Variants in MYO6 observed in about 807,000 individuals in gnomAD.
MYO6 encodes unconventional myosin-VI.
In MYO6, 74 loss-of-function variants were observed where a neutral mutation model predicts 178.7. The observed-to-expected ratio is 0.41, with a 90% CI of 0.34 to 0.50. The LOEUF (loss-of-function observed/expected upper bound fraction) is 0.50. Among genes scored for constraint, MYO6 ranks in the 20% least tolerant of loss-of-function variants. The pLI is 0.09. For synonymous variants in MYO6, 477 were observed against 504.6 expected, an observed-to-expected ratio of 0.95 and a Z score of 0.73; for missense variants, 1,330 against 1,547.4, an observed-to-expected ratio of 0.86 and a Z score of 2.36.
At chr6:75,878,199 A>G (rs974788069) in intron 20 of MYO6, among the ~76,000 whole-genome samples, 6 of 152,160 alleles carry the variant, frequency 3.9e-5, no homozygotes, top group Non-Finnish European at 7.3e-5. Flanking sequence ...ACTTAACTCT[A>G]CGTCTTGGGT....
In MYO6 at chr6:75,866,954, A is replaced by G. The variant is rs1030587170; in HGVS notation, c.1793A>G (p.Asn598Ser). 6.2e-7 allele frequency: 1 copy of G among 1,613,898 alleles called. No homozygotes were observed. The highest frequency in any genetic ancestry group is 8.5e-7 in the Non-Finnish European group (1 of 1,179,926). The change falls in exon 18 of 35, where the codon AAT becomes AGT. Residue 598 changes from asparagine to serine, a missense_variant. Coordinates refer to ENST00000369977, the MANE Select transcript of MYO6 (RefSeq NM_004999.4). Reference sequence around the variant, plus strand: ...CAGACCCAGTTTGTGGAGAAAAATAATGATGCTTTACATATGTCTCTTGAA... The same window carrying G: ...CAGACCCAGTTTGTGGAGAAAAATAGTGATGCTTTACATATGTCTCTTGAA... ...YETTQFVEKNNDALHMSLESL... is the reference protein window; with the variant it reads ...YETTQFVEKNSDALHMSLESL...
chr6:75,917,037 G>C lies in MYO6; in HGVS notation c.*2025G>C, dbSNP rs1356045212. ...CAGGGCAACTGCCCTAATTCAGATAGATTTACAGTAACCTACGTACAGTAG... is the reference window on the plus strand; with the variant it reads ...CAGGGCAACTGCCCTAATTCAGATACATTTACAGTAACCTACGTACAGTAG... On this transcript the variant is annotated 3_prime_UTR_variant, in exon 35 of 35. Coordinates refer to ENST00000369977, the MANE Select transcript of MYO6 (RefSeq NM_004999.4). The C allele has an allele frequency of 6.6e-6, 1 of 152,234 alleles. No individual in the cohort carries two copies. Among genetic ancestry groups the C allele is most frequent in the Non-Finnish European group, 1.5e-5 (1 of 68,038 alleles). 9.4% of individuals were successfully genotyped at this position (152,234 alleles called of 1,614,324 possible).
In MYO6 at chr6:75,894,723, C is replaced by G. The variant is rs369448779; in HGVS notation, c.3108-508C>G. ...TAAGTAAACTGTTCTTAATCTATAG[C>G]ATGATGTTGTTGGGTTCTATGCTGT... On this transcript the variant is annotated intron_variant, in intron 28 of 34. Transcript: ENST00000369977. The G allele has an allele frequency of 8.9e-5, 68 of 767,892 alleles. 1 individual carries two copies. In the South Asian group the frequency reaches 2.0e-3, roughly 23 times the overall value. 47.6% of individuals were successfully genotyped at this position (767,892 alleles called of 1,614,324 possible).
chr6:75,759,991 A>G (rs1777808014), intron 1 of MYO6, among the ~76,000 whole-genome samples: 1 of 152,182 alleles, frequency 6.6e-6, no homozygotes, highest in Admixed American at 6.5e-5. Flanking sequence ...AAAAATCTTT[A>G]GTGACTAAAT....
rs548778137 is a variant in MYO6 at position 75,905,265 on chromosome 6, C to T, written c.3177-2340C>T. 7.2e-5 allele frequency among the ~76,000 whole-genome samples: 11 copies of T among 152,340 alleles called. No individual in the cohort carries two copies. The East Asian group carries it at 9.7e-4, about 13-fold the overall frequency. ...GTGATGCTTCCCAGTTGGAGCTTCC[C>T]GGCTGCTTTGTTTATCTAAGCAAGC... On this transcript the variant is annotated intron_variant, in intron 30 of 34. Coordinates refer to ENST00000369977, the MANE Select transcript of MYO6 (RefSeq NM_004999.4).
chr6:75,779,048 C>A (rs1583045506), intron 1 of MYO6, among the ~76,000 whole-genome samples: 1 of 90,348 alleles, frequency 1.1e-5, no homozygotes. Flanking sequence ...CAGAGTGAGA[C>A]TTTGTCTCAA....
In MYO6 at chr6:75,915,251, A is replaced by G. The variant is rs1171213228; in HGVS notation, c.*239A>G. 31 of 546,278 alleles carry G rather than the reference A, an allele frequency of 5.7e-5. No individual in the cohort carries two copies. In the Admixed American group the frequency reaches 8.6e-4, roughly 15 times the overall value. 33.8% of individuals were successfully genotyped at this position (546,278 alleles called of 1,614,324 possible). On this transcript the variant is annotated 3_prime_UTR_variant, in exon 35 of 35. Transcript: ENST00000369977. ...CCAAAACTCTCATTATTCTCTAACTATTACACATGGGCATATTCTGATGTT... is the reference window on the plus strand; with the variant it reads ...CCAAAACTCTCATTATTCTCTAACTGTTACACATGGGCATATTCTGATGTT...
In MYO6 at chr6:75,856,993, CTCTT is replaced by C. The variant is rs1384356558; in HGVS notation, c.1224-102_1224-99del. 1.9e-4 allele frequency: 205 copies of C among 1,069,038 alleles called. 2 individuals are homozygous for C. The highest frequency in any genetic ancestry group is 3.9e-4 in the South Asian group (29 of 74,248). The allele number at this position is 1,069,038 out of a possible 1,614,324, so 66.2% of individuals were successfully genotyped here. A position where few individuals can be genotyped will look rare whatever the true frequency, so the allele number is the denominator to read the frequency against. Reference sequence around the variant, plus strand: ...CCTATTCTCACATGACCTTTGGTAACTCTTTATTTTGTTCTTCTCTGTGTGTATG... The same window carrying C: ...CCTATTCTCACATGACCTTTGGTAACTATTTTGTTCTTCTCTGTGTGTATG... On this transcript the variant is annotated intron_variant, in intron 12 of 34. Coordinates refer to ENST00000369977, the MANE Select transcript of MYO6 (RefSeq NM_004999.4).
intron 1 of MYO6, among the ~76,000 whole-genome samples, chr6:75,792,210 A>G (rs143553758): frequency 4.9e-4 from 75 of 152,308 alleles, no homozygotes; most frequent in African/African-American, 1.7e-3. Context: ...TACTGTTGCT[A>G]CTTGGTTCTA....
At chr6:75,806,424 G>C (rs1269700268) in intron 1 of MYO6, among the ~76,000 whole-genome samples, 1 of 151,788 alleles carries the variant, frequency 6.6e-6, no homozygotes, top group Non-Finnish European at 1.5e-5. Context: ...GGGGAAGTGA[G>C]TGTCCATGGC....
intron 1 of MYO6, among the ~76,000 whole-genome samples, chr6:75,754,553 C>T (rs927796984): frequency 4.0e-5 from 5 of 126,066 alleles, no homozygotes; most frequent in African/African-American, 1.1e-4. Context: ...AAAAGTAAGC[C>T]GCTGACTAAC....
chr6:75,908,650 G>T, intron 32 of MYO6, 23 bp downstream of exon 32: 2 of 1,611,180 alleles, frequency 1.2e-6, no homozygotes, highest in South Asian at 1.1e-5. Flanking sequence ...CTGTACTTTT[G>T]AACGTTTTAA....
intron 25 of MYO6, among the ~76,000 whole-genome samples, chr6:75,888,342 T>G (rs1472959950): frequency 6.6e-6 from 1 of 151,620 alleles, no homozygotes; most frequent in Admixed American, 6.6e-5. Context: ...AGGCCAGATG[T>G]GATGGCTCAC....
chr6:75,856,434 A>G (rs2149281129), intron 12 of MYO6, among the ~76,000 whole-genome samples: 2 of 152,196 alleles, frequency 1.3e-5, no homozygotes, highest in South Asian at 4.1e-4. Flanking sequence ...TAAGTATCAA[A>G]TGTCAGGCTG....
In MYO6 at chr6:75,916,516, T is replaced by C. The variant is rs1393227351; in HGVS notation, c.*1504T>C. ...ATGTGATTATCTTTTGAAGGCTGTA[T>C]TACTGCATAGCTTCACCCACCCTCG... is the stretch of plus-strand genomic sequence containing the variant. On this transcript the variant is annotated 3_prime_UTR_variant, in exon 35 of 35. Transcript: ENST00000369977. 6.6e-6 allele frequency: 1 copy of C among 152,634 alleles called. No individual in the cohort carries two copies. Among genetic ancestry groups the C allele is most frequent in the Non-Finnish European group, 1.5e-5 (1 of 68,034 alleles). The allele number at this position is 152,634 out of a possible 1,614,324, so 9.5% of individuals were successfully genotyped here. A position where few individuals can be genotyped will look rare whatever the true frequency, so the allele number is the denominator to read the frequency against.
chr6:75,864,666 G>A (rs1776497216), intron 16 of MYO6, among the ~76,000 whole-genome samples: 1 of 152,148 alleles, frequency 6.6e-6, no homozygotes, highest in South Asian at 2.1e-4. Flanking sequence ...TGTCTCAGAG[G>A]CATGTGACTT....
rs1325273192 is a variant in MYO6 at position 75,919,165 on chromosome 6, T to A, written c.*4153T>A. The A allele has an allele frequency of 6.6e-6, 1 of 152,102 alleles. No homozygotes were observed. The highest frequency in any genetic ancestry group is 1.5e-5 in the Non-Finnish European group (1 of 68,054). 9.4% of individuals were successfully genotyped at this position (152,102 alleles called of 1,614,324 possible). ...GGGGTACAAGTGCAGTTTTGTTACA[T>A]GGGTATATTGCATAGTGGTAAAATG... On this transcript the variant is annotated 3_prime_UTR_variant, in exon 35 of 35. Transcript: ENST00000369977.
chr6:75,863,122 T>G (rs1349279277), intron 16 of MYO6, among the ~76,000 whole-genome samples: 1 of 152,144 alleles, frequency 6.6e-6, no homozygotes, highest in African/African-American at 2.4e-5. Flanking sequence ...AATTACCTGC[T>G]GTCTTCATGG....
chr6:75,837,576 C>T (rs1023754621), intron 7 of MYO6, among the ~76,000 whole-genome samples: 2 of 152,078 alleles, frequency 1.3e-5, no homozygotes, highest in African/African-American at 4.8e-5. Flanking sequence ...TATTAGGGGC[C>T]TTGTATGTTC....
Sources: gnomAD v4.1 joint callset for allele counts (sites outside exome capture counted in the v4.1 genomes callset) on GRCh38, gnomAD v4.1.1 for gene constraint, MANE v1.5 for transcripts, NCBI Gene and HGNC (gene_info 2026-07-23, HGNC 2026-07-21) for gene names.